The following EXT1 variants were observed in gnomAD, a reference collection of about 807,000 sequenced individuals.
EXT1 encodes exostosin glycosyltransferase 1.
Under a neutral mutation model 82.5 loss-of-function variants are expected in EXT1, and 20 were observed. The ratio of observed to expected loss-of-function variants is 0.24; its 90% CI spans 0.17 to 0.35. EXT1 has a LOEUF of 0.35. Ranked by LOEUF, EXT1 falls within the 10% of genes least tolerant of loss-of-function variation. The pLI is 1.00. For missense variants in EXT1, 757 were observed against 936.5 expected (o/e 0.81, Z 2.50); for synonymous variants, 348 against 350.8 (o/e 0.99, Z 0.09).
chr8:117,901,401 C>G (rs898975899), intron 1 of EXT1, among the ~76,000 whole-genome samples: 2 of 152,174 alleles, frequency 1.3e-5, no homozygotes, highest in Non-Finnish European at 2.9e-5. Context: ...TGGTACACCT[C>G]TGTGGGCCAC....
intron 3 of EXT1, among the ~76,000 whole-genome samples, chr8:117,832,293 A>G (rs536610634): frequency 1.3e-5 from 2 of 152,284 alleles, no homozygotes; most frequent in South Asian, 4.1e-4. Flanking sequence ...TGGGAGGCCG[A>G]GGCAGGCGGA....
chr8:117,883,304 A>G (rs1460123389), intron 1 of EXT1, among the ~76,000 whole-genome samples: 4 of 152,186 alleles, frequency 2.6e-5, no homozygotes, highest in African/African-American at 4.8e-5. Flanking sequence ...GAAAAAGTCA[A>G]CTTTTAAGGT....
chr8:118,020,399 T>C (rs996591926), intron 1 of EXT1, among the ~76,000 whole-genome samples: 12 of 152,208 alleles, frequency 7.9e-5, no homozygotes, highest in Non-Finnish European at 1.8e-4. Flanking sequence ...TACATTACGA[T>C]CTTGTCCTAT....
chr8:118,017,094 A>G (rs1816017718), intron 1 of EXT1, among the ~76,000 whole-genome samples: 1 of 152,210 alleles, frequency 6.6e-6, no homozygotes, highest in Non-Finnish European at 1.5e-5. Flanking sequence ...CGGTATAATC[A>G]TTTATAAAGA....
At chr8:118,072,544 G>A (rs181644367) in intron 1 of EXT1, among the ~76,000 whole-genome samples, 50 of 152,292 alleles carry the variant, frequency 3.3e-4, no homozygotes, top group Non-Finnish European at 4.4e-4. Flanking sequence ...TGACCAGACC[G>A]TCAGTACTTT....
chr8:118,009,421 T>G (rs995107302), intron 1 of EXT1, among the ~76,000 whole-genome samples: 1 of 151,944 alleles, frequency 6.6e-6, no homozygotes, highest in South Asian at 2.1e-4. Flanking sequence ...AGAGGGAAAG[T>G]TGAGAAAAGG....
At position 118,037,522 on chromosome 8, in the gene EXT1, T is replaced by C. The variant is rs570730830; in HGVS notation, c.962+72563A>G. Among the ~76,000 whole-genome samples the C allele has an allele frequency of 2.0e-3, 305 of 152,162 alleles. 2 individuals are homozygous for C. The highest frequency in any genetic ancestry group is 7.1e-3 in the African/African-American group (294 of 41,514). ...CACCACACCCAGCCAGAAGATTCTT[T>C]ATAGCACTCCCCTCTTATGACAAAC... On this transcript the variant is annotated intron_variant, in intron 1 of 10. Transcript: ENST00000378204.
At chr8:118,068,406 CT>C (rs1817028755) in intron 1 of EXT1, among the ~76,000 whole-genome samples, 1 of 152,198 alleles carries the variant, frequency 6.6e-6, no homozygotes, top group Non-Finnish European at 1.5e-5. Context: ...TGGTGGTTTG[CT>C]GCACCTATCA....
intron 1 of EXT1, among the ~76,000 whole-genome samples, chr8:118,090,157 C>T (rs1817496571): frequency 6.6e-6 from 1 of 152,184 alleles, no homozygotes; most frequent in Non-Finnish European, 1.5e-5. Context: ...AGTGGTGGCT[C>T]ATGCCTGTAA....
intron 7 of EXT1, among the ~76,000 whole-genome samples, chr8:117,816,763 A>T (rs1811828108): frequency 6.6e-6 from 1 of 152,242 alleles, no homozygotes; most frequent in Admixed American, 6.5e-5. Context: ...ATGCTATACT[A>T]CCTAAAGAAA....
At chr8:117,856,333 C>T (rs1211031520) in intron 1 of EXT1, among the ~76,000 whole-genome samples, 3 of 149,590 alleles carry the variant, frequency 2.0e-5, no homozygotes, top group Non-Finnish European at 3.0e-5. Flanking sequence ...CTGCTCACTG[C>T]AAGTTCCGCC....
intron 1 of EXT1, among the ~76,000 whole-genome samples, chr8:118,032,085 T>C (rs897786195): frequency 2.0e-5 from 3 of 147,866 alleles, no homozygotes; most frequent in Admixed American, 1.3e-4. Flanking sequence ...GCCAAGTCGT[T>C]AAGGTTGGTG....
chr8:118,000,526 G>C (rs1230339254), intron 1 of EXT1, among the ~76,000 whole-genome samples: 1 of 152,198 alleles, frequency 6.6e-6, no homozygotes, highest in African/African-American at 2.4e-5. Flanking sequence ...TCCTGCCTAA[G>C]AGGCAATGTC....
chr8:117,809,230 TA>T (rs1391983753), intron 8 of EXT1, among the ~76,000 whole-genome samples: 1 of 135,190 alleles, frequency 7.4e-6, no homozygotes, highest in African/African-American at 2.6e-5. Flanking sequence ...TATATATATA[TA>T]TATATATATA....
intron 1 of EXT1, among the ~76,000 whole-genome samples, chr8:117,914,767 C>T (rs752055496): frequency 1.2e-4 from 18 of 152,264 alleles, no homozygotes; most frequent in Middle Eastern, 3.4e-3. Flanking sequence ...TCTCTACTCT[C>T]GAACCCTGTT....
chr8:117,813,914 G>A (rs190187170), intron 7 of EXT1, among the ~76,000 whole-genome samples: 10 of 152,106 alleles, frequency 6.6e-5, no homozygotes, highest in African/African-American at 2.2e-4. Context: ...GCTGAGGCAG[G>A]AGAATCACTT....
intron 9 of EXT1, among the ~76,000 whole-genome samples, chr8:117,805,787 T>C (rs1371585384): frequency 6.6e-6 from 1 of 152,204 alleles, no homozygotes; most frequent in Non-Finnish European, 1.5e-5. Flanking sequence ...ACTGGTTGAG[T>C]GGGGAATGTT....
chr8:117,805,762 A>G (rs554974014), intron 9 of EXT1, among the ~76,000 whole-genome samples: 1 of 152,298 alleles, frequency 6.6e-6, no homozygotes, highest in East Asian at 1.9e-4. Context: ...ATGATAGAAG[A>G]GCAGGTATTT....
intron 1 of EXT1, among the ~76,000 whole-genome samples, chr8:117,989,278 G>A (rs552660310): frequency 4.7e-5 from 7 of 149,098 alleles, no homozygotes; most frequent in East Asian, 2.0e-4. Context: ...TGGCTCCTGC[G>A]TCGGCTAAGC....
Sources: allele counts gnomAD v4.1 joint callset (sites outside exome capture counted in the v4.1 genomes callset), GRCh38; gene constraint gnomAD v4.1.1; transcripts MANE v1.5; gene names NCBI Gene and HGNC (gene_info 2026-07-23, HGNC 2026-07-21).